GRID2: variants seen among roughly 807,000 people sequenced by gnomAD.
GRID2 encodes the protein glutamate receptor ionotropic, delta-2.
GRID2 carries 33 observed loss-of-function variants against 114.8 expected under a neutral mutation model. The observed-to-expected ratio is 0.29, with a 90% CI of 0.22 to 0.38. The LOEUF (loss-of-function observed/expected upper bound fraction) is 0.38. GRID2 is among the 10% of genes least tolerant of loss of function. The pLI is 1.00. For synonymous variants in GRID2, 505 were observed against 449.9 expected, an observed-to-expected ratio of 1.12 and a Z score of -1.55; for missense variants, 1,184 against 1,257.7, an observed-to-expected ratio of 0.94 and a Z score of 0.89.
intron 1 of GRID2, among the ~76,000 whole-genome samples, chr4:92,382,139 T>C (rs1468187867): frequency 6.6e-6 from 1 of 151,932 alleles, no homozygotes; most frequent in Admixed American, 6.6e-5. Context: ...ATTAAAGATT[T>C]GAAATTTAGT....
At chr4:93,236,206 A>G (rs1746775835) in intron 7 of GRID2, among the ~76,000 whole-genome samples, 2 of 152,066 alleles carry the variant, frequency 1.3e-5, no homozygotes, top group Admixed American at 6.6e-5. Context: ...AGTCTTTAAA[A>G]TATAATTGGA....
intron 2 of GRID2, among the ~76,000 whole-genome samples, chr4:92,594,449 A>G (rs1488128934): frequency 6.6e-6 from 1 of 151,974 alleles, no homozygotes; most frequent in Admixed American, 6.6e-5. Flanking sequence ...CTATGCTTCT[A>G]TGACCCTTAA....
intron 2 of GRID2, among the ~76,000 whole-genome samples, chr4:92,816,998 T>C (rs1051852302): frequency 4.6e-5 from 7 of 152,074 alleles, no homozygotes; most frequent in Non-Finnish European, 8.8e-5. Flanking sequence ...ATCTTTAAAA[T>C]CTAGTCCCAT....
chr4:93,139,583 C>T (rs1038138168), intron 4 of GRID2, among the ~76,000 whole-genome samples: 3 of 152,140 alleles, frequency 2.0e-5, no homozygotes, highest in South Asian at 2.1e-4. Context: ...TGTGTTTTAT[C>T]GTAATCACCT....
At chr4:92,704,746 C>CCTCCCTCT (rs968752438) in intron 2 of GRID2, among the ~76,000 whole-genome samples, 5 of 79,960 alleles carry the variant, frequency 6.3e-5, no homozygotes, top group African/African-American at 2.6e-4. Flanking sequence ...TCTCTCTCTC[C>CCTCCCTCT]CTCCCTCTCT....
intron 14 of GRID2, among the ~76,000 whole-genome samples, chr4:93,710,275 C>T (rs1728371888): frequency 6.6e-6 from 1 of 152,122 alleles, no homozygotes; most frequent in Non-Finnish European, 1.5e-5. Flanking sequence ...TCAATGCAGC[C>T]ATATATACAT....
chr4:93,339,417 G>A (rs929707914), intron 8 of GRID2, among the ~76,000 whole-genome samples: 1 of 152,152 alleles, frequency 6.6e-6, no homozygotes, highest in Non-Finnish European at 1.5e-5. Context: ...GAAGAAGGTA[G>A]GGATTGGAGT....
chr4:93,456,168 G>T (rs972938649), intron 11 of GRID2, among the ~76,000 whole-genome samples, 194 bp downstream of exon 11: 3 of 152,072 alleles, frequency 2.0e-5, no homozygotes, highest in Non-Finnish European at 1.5e-5. Flanking sequence ...CAGCAATAAT[G>T]GTTCATTGTC....
intron 8 of GRID2, among the ~76,000 whole-genome samples, chr4:93,287,180 A>G (rs894370377): frequency 6.6e-6 from 1 of 152,156 alleles, no homozygotes; most frequent in African/African-American, 2.4e-5. Flanking sequence ...TGATTACCCT[A>G]TTGGGAAAAA....
chr4:92,740,381 C>T (rs1460345808), intron 2 of GRID2, among the ~76,000 whole-genome samples: 2 of 152,160 alleles, frequency 1.3e-5, no homozygotes, highest in East Asian at 1.9e-4. Flanking sequence ...CAGTGTTCAT[C>T]TCTGTATCTT....
chr4:92,476,581 T>A (rs941214966), intron 1 of GRID2, among the ~76,000 whole-genome samples: 3 of 152,144 alleles, frequency 2.0e-5, no homozygotes, highest in African/African-American at 7.2e-5. Context: ...TCCAATCATT[T>A]TACCTAGTTA....
intron 2 of GRID2, among the ~76,000 whole-genome samples, chr4:92,990,966 A>C (rs1170589192): frequency 6.6e-6 from 1 of 152,314 alleles, no homozygotes; most frequent in East Asian, 1.9e-4. Flanking sequence ...TACTATTATG[A>C]AAAGTGGGCA....
At chr4:92,993,480 A>G (rs1252078930) in intron 2 of GRID2, among the ~76,000 whole-genome samples, 1 of 152,172 alleles carries the variant, frequency 6.6e-6, no homozygotes, top group East Asian at 1.9e-4. Flanking sequence ...ATAATAGGGA[A>G]TACAAAATTT....
intron 3 of GRID2, among the ~76,000 whole-genome samples, chr4:93,106,745 G>A (rs1304061097): frequency 6.6e-6 from 1 of 151,826 alleles, no homozygotes; most frequent in East Asian, 2.0e-4. Flanking sequence ...CCTCAAATAA[G>A]CAAAACTATT....
intron 2 of GRID2, among the ~76,000 whole-genome samples, chr4:92,595,560 A>C (rs1263902177): frequency 2.6e-5 from 4 of 152,040 alleles, no homozygotes; most frequent in Non-Finnish European, 4.4e-5. Context: ...CTCTTGTAAA[A>C]GGTAAACATT....
intron 8 of GRID2, among the ~76,000 whole-genome samples, chr4:93,392,131 T>C (rs1172170308): frequency 2.6e-5 from 4 of 152,186 alleles, no homozygotes; most frequent in Admixed American, 2.0e-4. Flanking sequence ...CTAAGTCTCA[T>C]GTGCTGCAAG....
At chr4:93,073,681 A>G (rs989967961) in intron 2 of GRID2, among the ~76,000 whole-genome samples, 1 of 152,102 alleles carries the variant, frequency 6.6e-6, no homozygotes, top group Non-Finnish European at 1.5e-5. Flanking sequence ...CCTCTTATCT[A>G]TGGGGTACAT....
chr4:93,194,315 G>T (rs1277785479), intron 4 of GRID2, among the ~76,000 whole-genome samples: 2 of 152,138 alleles, frequency 1.3e-5, no homozygotes, highest in Non-Finnish European at 2.9e-5. Context: ...AAACTAATTT[G>T]TGCAAAGCTA....
chr4:93,295,369 C>T (rs1245177712), intron 8 of GRID2, among the ~76,000 whole-genome samples: 1 of 152,068 alleles, frequency 6.6e-6, no homozygotes, highest in Non-Finnish European at 1.5e-5. Context: ...GGAGTAAAGC[C>T]AGGAAAGTGT....
Sources: allele counts gnomAD v4.1 joint callset (sites outside exome capture counted in the v4.1 genomes callset), GRCh38; gene constraint gnomAD v4.1.1; transcripts MANE v1.5; gene names NCBI Gene and HGNC (gene_info 2026-07-23, HGNC 2026-07-21).